Variants in TAGLN3 observed in about 807,000 individuals in gnomAD.
TAGLN3 encodes the protein transgelin 3, also known as transgelin-3.
In TAGLN3, 12 loss-of-function variants were observed where a neutral mutation model predicts 25.4. The ratio of observed to expected loss-of-function variants is 0.47; its 90% CI spans 0.30 to 0.77. The LOEUF (loss-of-function observed/expected upper bound fraction) is 0.77, where lower values mean the gene tolerates loss of function less well. Among genes scored for constraint, TAGLN3 ranks in the 30% least tolerant of loss-of-function variants. The pLI, the probability that TAGLN3 is intolerant of heterozygous loss-of-function variation, is 0.06. For synonymous variants in TAGLN3, 96 were observed against 94.8 expected, an observed-to-expected ratio of 1.01 and a Z score of -0.08; for missense variants, 218 against 255.8, an observed-to-expected ratio of 0.85 and a Z score of 1.01.
chr3:111,999,634 C>G (rs191063366), intron 2 of TAGLN3, 32 bp downstream of exon 2: 1 of 1,605,486 alleles, frequency 6.2e-7, no homozygotes, highest in South Asian at 1.1e-5. Flanking sequence ...GTTGCTGGGG[C>G]GGTGGGCAGG....
chr3:112,011,584 A>G (rs997408051), intron 3 of TAGLN3, among the ~76,000 whole-genome samples, 179 bp from the exon 4 acceptor site: 1 of 152,114 alleles, frequency 6.6e-6, no homozygotes, highest in African/African-American at 2.4e-5. Context: ...TTCCTTTCTG[A>G]GAAGTTTGGG....
chr3:112,000,960 T>C lies in TAGLN3; in HGVS notation c.355+14T>C, dbSNP rs1486374810. The C allele has an allele frequency of 1.2e-6, 2 of 1,611,868 alleles. No homozygotes were observed. Among genetic ancestry groups the C allele is most frequent in the East Asian group, 2.2e-5 (1 of 44,864 alleles). On this transcript the variant is annotated intron_variant, in intron 3 of 4. Transcript: ENST00000478951. ...ATCTATGGGAAGGTAAACAGCCCCC[T>C]GGCCTTTGGGATTGTTCTTTTCTTC...
Position 112,013,792 on chromosome 3 carries a change from C to G in TAGLN3, c.*241C>G, listed in dbSNP as rs562296619. ...CTGAGCTCCTCGGGCCCCAGAGTCT[C>G]TGTTTGATTATTTATTTATTTATTT... On this transcript the variant is annotated 3_prime_UTR_variant, in exon 5 of 5. Transcript: ENST00000478951. 2.3e-5 allele frequency: 13 copies of G among 553,780 alleles called. No homozygotes were observed. In the African/African-American group the frequency reaches 2.6e-4, roughly 11 times the overall value. 34.3% of individuals were successfully genotyped at this position (553,780 alleles called of 1,614,324 possible).
Position 112,000,899 on chromosome 3 carries a change from A to G in TAGLN3, c.308A>G (p.Tyr103Cys), listed in dbSNP as rs764976012. 7 of 1,614,168 alleles carry G rather than the reference A, an allele frequency of 4.3e-6. No individual in the cohort carries two copies. In the Admixed American group the frequency reaches 6.7e-5, roughly 15 times the overall value. ...ISQFLKAAET[Y>C]GVRTTDIFQT... ...CAGTTCCTAAAAGCTGCGGAGACCT[A>G]TGGTGTCAGAACCACCGACATCTTT... is the stretch of plus-strand genomic sequence containing the variant. The change falls in exon 3 of 5, where the codon TAT (tyrosine) becomes TGT (cysteine). Residue 103 changes from tyrosine to cysteine, a missense_variant. Transcript: ENST00000478951.
At chr3:111,999,998 T>C (rs1255252890) in intron 2 of TAGLN3, among the ~76,000 whole-genome samples, 2 of 152,232 alleles carry the variant, frequency 1.3e-5, no homozygotes, top group South Asian at 2.1e-4. Context: ...GGAGGGGGAC[T>C]AGCCACCTTC....
chr3:112,007,387 T>C (rs2072929725), intron 3 of TAGLN3, among the ~76,000 whole-genome samples: 1 of 152,228 alleles, frequency 6.6e-6, no homozygotes, highest in Admixed American at 6.5e-5. Flanking sequence ...AAAGCTTCTG[T>C]GCTTTGCCTT....
intron 3 of TAGLN3, among the ~76,000 whole-genome samples, chr3:112,006,244 G>T (rs573696411): frequency 1.3e-5 from 2 of 152,120 alleles, no homozygotes; most frequent in Admixed American, 6.5e-5. Context: ...GAGGTAATAT[G>T]TCTGAGGTGA....
In TAGLN3 at chr3:111,999,597, G is replaced by C. The variant is rs993136918; in HGVS notation, c.175G>C (p.Gly59Arg). 6.8e-6 allele frequency: 11 copies of C among 1,613,014 alleles called. No homozygotes were observed. The highest frequency in any genetic ancestry group is 2.7e-5 in the African/African-American group (2 of 74,922). ...RAHFQKWLMD[G>R]TVLCKLINSL... ...CCATTTTCAGAAATGGTTAATGGAC[G>C]GGACGGTAAGGCCGGCAGCGATCTC... The change falls in exon 2 of 5, where the codon GGG becomes CGG. Residue 59 changes from glycine to arginine, a missense_variant. Physicochemically the swap from Gly to Arg is moderately radical, Grantham distance 125. Transcript: ENST00000478951.
chr3:111,999,642 A>G, intron 2 of TAGLN3, 40 bp downstream of exon 2: 3 of 1,604,268 alleles, frequency 1.9e-6, no homozygotes, highest in East Asian at 2.2e-5. Flanking sequence ...GGCGGTGGGC[A>G]GGGAAACCCT....
intron 3 of TAGLN3, among the ~76,000 whole-genome samples, chr3:112,002,928 G>A (rs535084587): frequency 1.9e-4 from 29 of 152,238 alleles, no homozygotes; most frequent in Non-Finnish European, 2.8e-4. Context: ...AAAGAAAGAG[G>A]GAGGCCTGGA....
At chr3:112,005,722 T>G (rs1467079268) in intron 3 of TAGLN3, among the ~76,000 whole-genome samples, 1 of 136,004 alleles carries the variant, frequency 7.4e-6, no homozygotes, top group African/African-American at 2.8e-5. Context: ...TTTTTTGAGA[T>G]GGAGTCTCAC....
At chr3:112,000,969 G>A (rs1333860375) in intron 3 of TAGLN3, 23 bp downstream of exon 3, 4 of 1,609,292 alleles carry the variant, frequency 2.5e-6, no homozygotes, top group Admixed American at 1.7e-5. Context: ...CTGGCCTTTG[G>A]GATTGTTCTT....
rs1011029024 is a variant in TAGLN3 at position 111,999,536 on chromosome 3, C to T, written c.114C>T (p.Cys38=). The T allele has an allele frequency of 6.2e-7, 1 of 1,614,016 alleles. No individual in the cohort carries two copies. The highest frequency in any genetic ancestry group is 8.5e-7 in the Non-Finnish European group (1 of 1,180,036). Residue 38 remains cysteine (C), a synonymous_variant, in exon 2 of 5, where the codon TGC becomes TGT. Transcript: ENST00000478951. ...NKLVDWIILQ[C]AEDIEHPPPG... The stretch of plus-strand genomic sequence containing the variant: ...TGGTGGACTGGATCATCCTGCAGTG[C>T]GCCGAGGACATAGAGCACCCGCCCC...
intron 2 of TAGLN3, 112 bp from the exon 3 acceptor site, chr3:112,000,660 G>T (rs1274787485): frequency 4.1e-6 from 5 of 1,221,738 alleles, no homozygotes; most frequent in Admixed American, 2.0e-5. Context: ...CCCATGACTT[G>T]CTCCTGCCCA....
At chr3:112,012,233 TCCC>T (rs2072984691) in intron 4 of TAGLN3, among the ~76,000 whole-genome samples, 2 of 32,536 alleles carry the variant, frequency 6.1e-5, no homozygotes, top group African/African-American at 1.1e-4. Context: ...CCTCCCTCCC[TCCC>T]TCCCTCCCTC....
At chr3:111,999,712 T>A in intron 2 of TAGLN3, 110 bp downstream of exon 2, 1 of 1,391,194 alleles carries the variant, frequency 7.2e-7, no homozygotes, top group Non-Finnish European at 9.7e-7. Context: ...AAGCTCTATG[T>A]CTCACCGGGA....
intron 3 of TAGLN3, among the ~76,000 whole-genome samples, chr3:112,002,030 G>A (rs2072866196): frequency 6.6e-6 from 1 of 152,192 alleles, no homozygotes; most frequent in African/African-American, 2.4e-5. Flanking sequence ...AAAATCCTAC[G>A]ATGCTAATAA....
intron 3 of TAGLN3, among the ~76,000 whole-genome samples, chr3:112,008,892 A>G (rs796500): frequency 0.19 from 29,617 of 152,084 alleles, 4,840 homozygotes; most frequent in African/African-American, 0.44. Flanking sequence ...AAGAGGTTTT[A>G]TTTTAGCTCA....
chr3:112,009,181 C>T (rs916651099), intron 3 of TAGLN3, among the ~76,000 whole-genome samples: 1 of 152,206 alleles, frequency 6.6e-6, no homozygotes, highest in Non-Finnish European at 1.5e-5. Flanking sequence ...CCACCTCCCA[C>T]ATTGGAGGTC....
Sources: allele counts gnomAD v4.1 joint callset (sites outside exome capture counted in the v4.1 genomes callset), GRCh38; gene constraint gnomAD v4.1.1; transcripts MANE v1.5; gene names NCBI Gene and HGNC (gene_info 2026-07-23, HGNC 2026-07-21).